ZC3H13: variants seen among roughly 807,000 people sequenced by gnomAD.
ZC3H13 encodes the protein zinc finger CCCH domain-containing protein 13.
A neutral mutation model predicts 204.1 loss-of-function variants in ZC3H13; 64 were observed. That is an observed-to-expected ratio of 0.31 (90% CI 0.26 to 0.39). ZC3H13 has a LOEUF of 0.39. Ranked by LOEUF, ZC3H13 falls within the 10% of genes least tolerant of loss-of-function variation. The pLI is 1.00. For synonymous variants in ZC3H13, 667 were observed against 693.7 expected (o/e 0.96, Z 0.60); for missense variants, 1,833 against 2,082.7 (o/e 0.88, Z 2.33).
chr13:45,973,838 T>C (rs1310447043), intron 12 of ZC3H13, among the ~76,000 whole-genome samples: 2 of 152,040 alleles, frequency 1.3e-5, no homozygotes, highest in African/African-American at 4.8e-5. Context: ...ATCTCTGAAG[T>C]TTATGTTCAG....
rs772392303 is a variant in ZC3H13, at chr13:45,969,634, C to A, written c.2910G>T (p.Lys970Asn). ...TCTCTATTCCAACATCATCCTCTTT[C>A]TTTTTCTTAATTGGTTTCTTTTGAA... is the stretch of plus-strand genomic sequence containing the variant. Reference protein sequence around the residue: ...AKIQKKPIKKKKEDDVGIERG... With the variant: ...AKIQKKPIKKNKEDDVGIERG... The change falls in exon 14 of 19, where the codon AAG becomes AAT. Residue 970 changes from lysine (K) to asparagine (N), a missense_variant. Transcript: ENST00000679008. The A allele has an allele frequency of 1.3e-5, 21 of 1,609,374 alleles. No individual in the cohort carries two copies. In the South Asian group the frequency reaches 2.1e-4, roughly 16 times the overall value.
chr13:46,003,418 T>C, intron 7 of ZC3H13, 82 bp from the exon 8 acceptor site: 1 of 1,267,168 alleles, frequency 7.9e-7, no homozygotes, highest in African/African-American at 1.5e-5. Context: ...AACAGCAGCG[T>C]TCCTTTACAT....
chr13:46,006,369 A>G (rs2041150697), intron 7 of ZC3H13, among the ~76,000 whole-genome samples: 1 of 151,962 alleles, frequency 6.6e-6, no homozygotes, highest in Non-Finnish European at 1.5e-5. Context: ...AATAAAATAA[A>G]ATAAAATAAA....
At position 46,017,550 on chromosome 13, in the gene ZC3H13, T is replaced by G. The variant is rs1172081965; in HGVS notation, c.448+2899A>C. ...TTTCATAAAAGCATATAATGGATTTTTATATGTCATTGTTAAATGAATGAA... is the reference window on the plus strand; with the variant it reads ...TTTCATAAAAGCATATAATGGATTTGTATATGTCATTGTTAAATGAATGAA... On this transcript the variant is annotated intron_variant, in intron 5 of 18. Transcript: ENST00000679008. Among the ~76,000 whole-genome samples the G allele has an allele frequency of 3.3e-5, 5 of 152,294 alleles. No homozygotes were observed. In the South Asian group the frequency reaches 1.0e-3, roughly 32 times the overall value.
At chr13:46,029,274 G>C (rs575892811) in intron 4 of ZC3H13, among the ~76,000 whole-genome samples, 2 of 152,120 alleles carry the variant, frequency 1.3e-5, no homozygotes, top group South Asian at 4.1e-4. Context: ...ATTTAAATAG[G>C]TATATATCTA....
Position 45,967,844 on chromosome 13 carries a change from A to G in ZC3H13, c.3981T>C (p.Ala1327=), listed in dbSNP as rs1275974052. The change falls in exon 15 of 19, where the codon GCT becomes GCC. Residue 1327 remains alanine, a synonymous_variant. Transcript: ENST00000679008. ...DTRQREWDRD[A]DKDWPRNRDR... ...CCCTGTTGCGTGGCCAATCTTTATC[A>G]GCATCTCGGTCCCATTCTCTCTGCC... is the stretch of plus-strand genomic sequence containing the variant. The G allele has an allele frequency of 2.5e-6, 4 of 1,613,606 alleles. No homozygotes were observed. The highest frequency in any genetic ancestry group is 2.5e-6 in the Non-Finnish European group (3 of 1,179,932).
chr13:46,051,049 A>C (rs1236041827), intron 1 of ZC3H13, among the ~76,000 whole-genome samples: 9 of 152,210 alleles, frequency 5.9e-5, no homozygotes, highest in African/African-American at 1.9e-4. Flanking sequence ...ACTGAAAACC[A>C]ACTCTCTAAG....
At position 46,020,449 on chromosome 13, in the gene ZC3H13, C is replaced by A; in HGVS notation, c.448G>T (p.Asp150Tyr). The A allele has an allele frequency of 6.3e-7, 1 of 1,599,234 alleles. No homozygotes were observed. Among genetic ancestry groups the A allele is most frequent in the Non-Finnish European group, 8.5e-7 (1 of 1,170,892 alleles). Residue 150 changes from aspartate to tyrosine, a missense_variant and splice_region_variant, in exon 5 of 19, where the codon GAT (aspartate) becomes TAT (tyrosine). By Grantham distance (160) the Asp-to-Tyr change is radical. Around this residue, in one of 5 missense-constraint regions of ZC3H13, gnomAD observed 1,574 missense variants for 1,757.2 expected, o/e 0.90. Transcript: ENST00000679008. ...ENVEWETNRD[D>Y]SDNGDINYDY... ...TTTAAACCAAGATTCTGAAACTCAC[C>A]ATCTCTATTAGTTTCCCATTCTACA... is the stretch of plus-strand genomic sequence containing the variant.
Position 45,985,470 on chromosome 13 carries a change from T to A in ZC3H13, c.1547A>T (p.His516Leu), listed in dbSNP as rs368113127. The change falls in exon 10 of 19, where the codon CAT (histidine) becomes CTT (leucine). Residue 516 changes from histidine (H) to leucine (L), a missense_variant. Physicochemically the swap from His to Leu is moderately conservative, Grantham distance 99. This residue lies in a region of ZC3H13 where 1,574 missense variants were observed against 1,757.2 expected (regional missense o/e 0.90). Coordinates refer to ENST00000679008, the MANE Select transcript of ZC3H13 (RefSeq NM_001330564.2). ...DYRDREGRDTHRKEDTYPEES... is the reference protein window; with the variant it reads ...DYRDREGRDTLRKEDTYPEES... ...TTCTGGATATGTATCCTCCTTTCGA[T>A]GAGTATCTCGACCTTCACGGTCCCT... The A allele has an allele frequency of 3.1e-6, 5 of 1,614,114 alleles. No homozygotes were observed. Among genetic ancestry groups the A allele is most frequent in the Non-Finnish European group, 4.2e-6 (5 of 1,180,048 alleles).
At chr13:45,961,589 T>TG (rs1951693640) in intron 17 of ZC3H13, among the ~76,000 whole-genome samples, 1 of 18,432 alleles carries the variant, frequency 5.4e-5, no homozygotes, top group Non-Finnish European at 1.1e-4. Context: ...GGTGGGGAGT[T>TG]GGGGGGATGG....
intron 11 of ZC3H13, chr13:45,976,338 G>A (rs1953047567): frequency 1.2e-6 from 1 of 817,884 alleles, no homozygotes; most frequent in Non-Finnish European, 1.5e-6. Context: ...ACATCAAAGT[G>A]CAGCTATTAT....
chr13:46,010,001 AG>A (rs2138638431), intron 7 of ZC3H13: 1 of 158,280 alleles, frequency 6.3e-6, no homozygotes, highest in East Asian at 1.8e-4. Flanking sequence ...CTATTACAAT[AG>A]ATGAAAGCAA....
intron 14 of ZC3H13, among the ~76,000 whole-genome samples, chr13:45,968,527 T>C (rs1952284999): frequency 6.6e-6 from 1 of 152,152 alleles, no homozygotes; most frequent in African/African-American, 2.4e-5. Context: ...AATCCTGATA[T>C]TAAACTGATT....
chr13:45,963,433 T>C, intron 17 of ZC3H13: 1 of 991,358 alleles, frequency 1.0e-6, no homozygotes, highest in Non-Finnish European at 1.2e-6. Flanking sequence ...TTTGTTTTTT[T>C]TTTTTTGAGA....
chr13:45,962,318 G>A, intron 17 of ZC3H13: 1 of 985,350 alleles, frequency 1.0e-6, no homozygotes, highest in African/African-American at 1.7e-5. Context: ...CACTGTTTAG[G>A]TTAAGTCATC....
At chr13:45,990,855 G>A (rs2039920933) in intron 8 of ZC3H13, among the ~76,000 whole-genome samples, 1 of 152,206 alleles carries the variant, frequency 6.6e-6, no homozygotes, top group Non-Finnish European at 1.5e-5. Context: ...CCAGGCTACA[G>A]TACAGTGGCA....
intron 4 of ZC3H13, among the ~76,000 whole-genome samples, chr13:46,036,381 G>C (rs748762399): frequency 1.2e-4 from 19 of 152,166 alleles, no homozygotes; most frequent in Non-Finnish European, 2.5e-4. Context: ...AATTGAAAAA[G>C]TAATTTGAGT....
chr13:46,037,133 A>G (rs193071137), intron 4 of ZC3H13, among the ~76,000 whole-genome samples: 1 of 152,370 alleles, frequency 6.6e-6, no homozygotes, highest in Non-Finnish European at 1.5e-5. Context: ...TATCAGTTGC[A>G]TAACAGTGTA....
chr13:46,029,675 G>A (rs570612794), intron 4 of ZC3H13, among the ~76,000 whole-genome samples: 6 of 151,706 alleles, frequency 4.0e-5, no homozygotes, highest in Non-Finnish European at 7.4e-5. Flanking sequence ...TGATCCGCCC[G>A]CCTCGGCCTC....
Sources: allele counts gnomAD v4.1 joint callset (sites outside exome capture counted in the v4.1 genomes callset), GRCh38; gene constraint gnomAD v4.1.1; regional missense constraint gnomAD v4.1.1; transcripts MANE v1.5; gene names NCBI Gene and HGNC (gene_info 2026-07-23, HGNC 2026-07-21).